GPR158: variants seen among roughly 807,000 people sequenced by gnomAD.
GPR158 encodes metabotropic glycine receptor.
GPR158 carries 30 observed loss-of-function variants against 78.2 expected under a neutral mutation model. The observed-to-expected ratio is 0.38, with a 90% CI of 0.29 to 0.52. The LOEUF (loss-of-function observed/expected upper bound fraction) is 0.52. GPR158 is among the 20% of genes least tolerant of loss of function. The pLI is 0.83. For synonymous variants in GPR158, 581 were observed against 591.1 expected (o/e 0.98, Z 0.25); for missense variants, 1,463 against 1,523.5 (o/e 0.96, Z 0.66).
At chr10:25,437,231 T>A (rs1216082769) in intron 4 of GPR158, among the ~76,000 whole-genome samples, 3 of 152,100 alleles carry the variant, frequency 2.0e-5, no homozygotes, top group African/African-American at 7.2e-5. Flanking sequence ...CCTATTGGGA[T>A]TTTTTCTTTT....
At chr10:25,423,448 T>A (rs1287695111) in intron 4 of GPR158, among the ~76,000 whole-genome samples, 2 of 152,000 alleles carry the variant, frequency 1.3e-5, no homozygotes, top group Non-Finnish European at 2.9e-5. Flanking sequence ...GCAGGTTTGT[T>A]ACATCTGTAT....
intron 6 of GPR158, among the ~76,000 whole-genome samples, chr10:25,561,089 CCATG>C (rs1328246379): frequency 2.6e-5 from 4 of 152,032 alleles, no homozygotes; most frequent in Non-Finnish European, 4.4e-5. Flanking sequence ...ATCTACAAAA[CCATG>C]CAATTTTGTG....
chr10:25,488,580 A>G (rs1049025407), intron 5 of GPR158, among the ~76,000 whole-genome samples: 2 of 152,174 alleles, frequency 1.3e-5, no homozygotes, highest in African/African-American at 4.8e-5. Context: ...TTGCTGAGGT[A>G]CTGATTATGT....
intron 2 of GPR158, among the ~76,000 whole-genome samples, chr10:25,302,333 C>A (rs1854611423): frequency 6.6e-6 from 1 of 151,640 alleles, no homozygotes; most frequent in African/African-American, 2.4e-5. Flanking sequence ...ATCCGCCGGC[C>A]TTGGCTTCCC....
At chr10:25,439,891 T>TGA (rs1835045763) in intron 4 of GPR158, among the ~76,000 whole-genome samples, 1 of 152,146 alleles carries the variant, frequency 6.6e-6, no homozygotes, top group Non-Finnish European at 1.5e-5. Context: ...AAATCACGGG[T>TGA]CTCTAAGGCT....
chr10:25,297,512 C>T (rs1335603444), intron 2 of GPR158, among the ~76,000 whole-genome samples: 6 of 141,720 alleles, frequency 4.2e-5, no homozygotes, highest in African/African-American at 1.2e-4. Context: ...GAAGCATAAA[C>T]GTTTTTTTTA....
chr10:25,277,162 G>T (rs1231826542), intron 2 of GPR158, among the ~76,000 whole-genome samples: 2 of 151,932 alleles, frequency 1.3e-5, no homozygotes, highest in East Asian at 3.9e-4. Flanking sequence ...TGTTGCCCAG[G>T]CTGGTCTTAA....
intron 5 of GPR158, among the ~76,000 whole-genome samples, chr10:25,483,821 T>G (rs1835696085): frequency 6.6e-6 from 1 of 152,192 alleles, no homozygotes; most frequent in Non-Finnish European, 1.5e-5. Context: ...ATGTTTTAAG[T>G]TATAATCAGA....
rs773863771 is a variant in GPR158 at position 25,412,266 on chromosome 10, G to A, written c.1128G>A (p.Gln376=). Residue 376 remains glutamine, a synonymous_variant, in exon 4 of 11, where the codon CAG becomes CAA. Coordinates refer to ENST00000376351, the MANE Select transcript of GPR158 (RefSeq NM_020752.3). ...VNNFRRRGPD[Q]HISGSTKDVS... ...AACTTTCAGGAAGGGGTCCGGATCAGCATATTTCAGGAAGTACAAAAGATG... is the reference window on the plus strand; with the variant it reads ...AACTTTCAGGAAGGGGTCCGGATCAACATATTTCAGGAAGTACAAAAGATG... The A allele has an allele frequency of 3.1e-6, 5 of 1,613,456 alleles. No homozygotes were observed. The Admixed American group carries it at 6.7e-5, about 22-fold the overall frequency.
At chr10:25,422,853 C>T (rs113467655) in intron 4 of GPR158, among the ~76,000 whole-genome samples, 2 of 144,782 alleles carry the variant, frequency 1.4e-5, no homozygotes, top group African/African-American at 5.1e-5. Context: ...TTCCCTTACC[C>T]CCCCCACACT....
chr10:25,207,220 C>G (rs539600037), intron 1 of GPR158, among the ~76,000 whole-genome samples: 8 of 152,202 alleles, frequency 5.3e-5, no homozygotes, highest in Admixed American at 1.3e-4. Flanking sequence ...CTTGGCATAT[C>G]CAGCAAGACC....
At chr10:25,342,232 A>C (rs1223821332) in intron 2 of GPR158, among the ~76,000 whole-genome samples, 1 of 133,270 alleles carries the variant, frequency 7.5e-6, no homozygotes. Context: ...TAAATACTGA[A>C]GGGAACTGTT....
intron 2 of GPR158, among the ~76,000 whole-genome samples, chr10:25,234,106 G>A (rs936161153): frequency 6.6e-6 from 1 of 152,152 alleles, no homozygotes; most frequent in Admixed American, 6.6e-5. Flanking sequence ...TTTCAAGAGT[G>A]TAAAGGGGTC....
intron 2 of GPR158, among the ~76,000 whole-genome samples, chr10:25,288,493 T>G (rs1045119713): frequency 6.6e-6 from 1 of 152,168 alleles, no homozygotes; most frequent in African/African-American, 2.4e-5. Flanking sequence ...CAAATGGGAG[T>G]TCAGTTCCAG....
intron 2 of GPR158, among the ~76,000 whole-genome samples, chr10:25,382,047 A>ATGTGAACTGTGAC (rs1390600571): frequency 6.6e-6 from 1 of 152,226 alleles, no homozygotes; most frequent in Non-Finnish European, 1.5e-5. Context: ...GTCCCCAGTG[A>ATGTGAACTGTGAC]TGTGAACTGT....
intron 2 of GPR158, among the ~76,000 whole-genome samples, chr10:25,267,622 T>C (rs1854060137): frequency 6.6e-6 from 1 of 152,138 alleles, no homozygotes. Flanking sequence ...TGGAATCTTA[T>C]GTAAAAAAAG....
intron 5 of GPR158, among the ~76,000 whole-genome samples, chr10:25,486,813 A>AT (rs55940936): frequency 7.1e-4 from 107 of 150,596 alleles, no homozygotes; most frequent in Admixed American, 2.3e-3. Flanking sequence ...ATGATAGACC[A>AT]TTTTTTTTTG....
At chr10:25,434,343 A>G (rs1044925762) in intron 4 of GPR158, among the ~76,000 whole-genome samples, 2 of 152,196 alleles carry the variant, frequency 1.3e-5, no homozygotes, top group Non-Finnish European at 2.9e-5. Context: ...CTCTTGAGGT[A>G]CTTATATTTA....
intron 4 of GPR158, among the ~76,000 whole-genome samples, chr10:25,462,182 G>A (rs199892616): frequency 2.6e-5 from 4 of 152,184 alleles, no homozygotes; most frequent in Non-Finnish European, 2.9e-5. Flanking sequence ...AATCCTGCGG[G>A]CCTTAAGAAT....
Sources: gnomAD v4.1 joint callset for allele counts (sites outside exome capture counted in the v4.1 genomes callset) on GRCh38, gnomAD v4.1.1 for gene constraint, MANE v1.5 for transcripts, NCBI Gene and HGNC (gene_info 2026-07-23, HGNC 2026-07-21) for gene names.